The following SVIL variants were observed in gnomAD, a reference collection of about 807,000 sequenced individuals.
SVIL encodes the protein archvillin.
A neutral mutation model predicts 240.4 loss-of-function variants in SVIL; 101 were observed. The ratio of observed to expected loss-of-function variants is 0.42; its 90% confidence interval spans 0.36 to 0.50. The LOEUF (loss-of-function observed/expected upper bound fraction) is 0.50, where lower values mean the gene tolerates loss of function less well. Among genes scored for constraint, SVIL ranks in the 20% least tolerant of loss-of-function variants. The pLI is 0.01. For missense variants in SVIL, 2,512 were observed against 2,818.7 expected (o/e 0.89, Z 2.46); for synonymous variants, 999 against 1,100.0 (o/e 0.91, Z 1.82).
At chr10:29,569,643 G>A (rs1655524375) in intron 1 of SVIL, among the ~76,000 whole-genome samples, 1 of 152,100 alleles carries the variant, frequency 6.6e-6, no homozygotes, top group Admixed American at 6.5e-5. Flanking sequence ...ATAACTCAAA[G>A]CAATTAAATG....
intron 6 of SVIL, among the ~76,000 whole-genome samples, chr10:29,548,117 T>C (rs1257421287): frequency 6.6e-6 from 1 of 152,218 alleles, no homozygotes; most frequent in Non-Finnish European, 1.5e-5. Flanking sequence ...AGCTGATCTC[T>C]CTAAGTATTT....
intron 12 of SVIL, among the ~76,000 whole-genome samples, chr10:29,528,702 A>C (rs775267485): frequency 5.9e-5 from 9 of 152,140 alleles, no homozygotes; most frequent in Non-Finnish European, 8.8e-5. Context: ...GGCGCACTGC[A>C]TTCCAGCCTG....
chr10:29,458,316 C>T lies in SVIL; in HGVS notation c.6576G>A (p.Thr2192=), dbSNP rs550416170. 81 of 1,614,216 alleles carry T rather than the reference C, an allele frequency of 5.0e-5. 3 individuals carry two copies. The South Asian group carries it at 5.7e-4, about 11-fold the overall frequency. The change falls in exon 38 of 38, where the codon ACG becomes ACA. Residue 2192 remains threonine (T), a synonymous_variant. Coordinates refer to ENST00000355867, the MANE Select transcript of SVIL (RefSeq NM_021738.3). The stretch of plus-strand genomic sequence containing the variant: ...CGGGCAGGGCGTTGTATTCATCCCT[C>T]GTCATGTCTAGTGCAAACTGGAAAC... ...DEDFEFALDM[T]RDEYNALPAW...
rs531896074 is a variant in SVIL at position 29,588,512 on chromosome 10, A to G, written c.-200-19200T>C. Among the ~76,000 whole-genome samples, 331 of 152,324 alleles carry G rather than the reference A, an allele frequency of 2.2e-3. 2 individuals carry two copies. In the South Asian group the frequency reaches 0.031, roughly 14 times the overall value. On this transcript the variant is annotated intron_variant, in intron 1 of 37. Transcript: ENST00000355867. ...ATGTCTGAAACAAGACTCATGAAAAATGGTTGCCTATTAAGGGCCATTATG... is the reference window on the plus strand; with the variant it reads ...ATGTCTGAAACAAGACTCATGAAAAGTGGTTGCCTATTAAGGGCCATTATG...
intron 1 of SVIL, among the ~76,000 whole-genome samples, chr10:29,731,978 C>T (rs1035133284): frequency 1.3e-5 from 2 of 152,248 alleles, no homozygotes; most frequent in African/African-American, 2.4e-5. Flanking sequence ...ACAATGGAAG[C>T]GACGGCCCAG....
At chr10:29,541,326 G>T (rs1364377652) in intron 6 of SVIL, among the ~76,000 whole-genome samples, 1 of 152,164 alleles carries the variant, frequency 6.6e-6, no homozygotes, top group Non-Finnish European at 1.5e-5. Context: ...CAATTCTGGT[G>T]GACAGAGGCA....
intron 1 of SVIL, among the ~76,000 whole-genome samples, chr10:29,590,611 T>G (rs548960278): frequency 2.6e-5 from 4 of 152,332 alleles, no homozygotes; most frequent in East Asian, 1.9e-4. Flanking sequence ...GATGAAAGAT[T>G]CAGTCATCTT....
chr10:29,709,312 T>G (rs941099180), intron 1 of SVIL, among the ~76,000 whole-genome samples: 1 of 152,198 alleles, frequency 6.6e-6, no homozygotes, highest in Non-Finnish European at 1.5e-5. Flanking sequence ...TGTCGTGTCA[T>G]GTTGGCACTC....
intron 6 of SVIL, among the ~76,000 whole-genome samples, chr10:29,542,980 T>A (rs1425629340): frequency 2.0e-5 from 3 of 152,152 alleles, no homozygotes; most frequent in African/African-American, 7.2e-5. Flanking sequence ...CAGCTCTGTC[T>A]CTGGGAAACT....
intron 31 of SVIL, 33 bp from the exon 32 acceptor site, chr10:29,470,516 G>T: frequency 6.2e-7 from 1 of 1,611,716 alleles, no homozygotes. Context: ...GGAGGAGTTA[G>T]CACGTGAGCG....
chr10:29,569,611 T>G (rs1037894033), intron 1 of SVIL, among the ~76,000 whole-genome samples: 1 of 152,216 alleles, frequency 6.6e-6, no homozygotes, highest in Non-Finnish European at 1.5e-5. Flanking sequence ...TGTTACCATT[T>G]AAATTTGTTA....
intron 30 of SVIL, among the ~76,000 whole-genome samples, chr10:29,472,705 G>A (rs919233940): frequency 6.6e-6 from 1 of 151,650 alleles, no homozygotes; most frequent in African/African-American, 2.4e-5. Flanking sequence ...ATGGGGTTGT[G>A]AGGCCAGTAG....
intron 2 of SVIL, among the ~76,000 whole-genome samples, chr10:29,665,057 T>C (rs1430310252): frequency 1.3e-5 from 2 of 151,846 alleles, no homozygotes; most frequent in Non-Finnish European, 1.5e-5. Flanking sequence ...TGGAGCAACA[T>C]AGTGAGACCC....
intron 29 of SVIL, among the ~76,000 whole-genome samples, 173 bp from the exon 30 acceptor site, chr10:29,474,162 G>A (rs1167139874): frequency 6.6e-6 from 1 of 152,160 alleles, no homozygotes; most frequent in Non-Finnish European, 1.5e-5. Context: ...CCCAGGAGAA[G>A]AGAAAAACCA....
rs996630419 is a variant in SVIL at position 29,457,576 on chromosome 10, T to C, written c.*671A>G. ...GGCACTATACATTTTTGGGGAGATA[T>C]TAAGGTAGAAAGGTTGATTCGCATA... On this transcript the variant is annotated 3_prime_UTR_variant, in exon 38 of 38. Coordinates refer to ENST00000355867, the MANE Select transcript of SVIL (RefSeq NM_021738.3). 3 of 152,628 alleles carry C rather than the reference T, an allele frequency of 2.0e-5. No homozygotes were observed. Among genetic ancestry groups the C allele is most frequent in the Admixed American group, 2.0e-4 (3 of 15,282 alleles). The allele number at this position is 152,628 out of a possible 1,614,324, so 9.5% of individuals were successfully genotyped here. A position where few individuals can be genotyped will look rare whatever the true frequency, so the allele number is the denominator to read the frequency against.
At chr10:29,562,946 G>C (rs1253520872) in intron 3 of SVIL, among the ~76,000 whole-genome samples, 1 of 152,078 alleles carries the variant, frequency 6.6e-6, no homozygotes, top group Admixed American at 6.6e-5. Flanking sequence ...TGTCTCACCC[G>C]CCACACCCAG....
At chr10:29,481,534 A>T (rs757368621) in intron 28 of SVIL, 50 bp downstream of exon 28, 10 of 1,607,804 alleles carry the variant, frequency 6.2e-6, no homozygotes, top group Non-Finnish European at 8.5e-6. Flanking sequence ...GGCCACTTTT[A>T]TTGGGACCCG....
intron 6 of SVIL, among the ~76,000 whole-genome samples, chr10:29,549,690 C>T (rs1953049933): frequency 7.2e-6 from 1 of 139,240 alleles, no homozygotes; most frequent in Non-Finnish European, 1.6e-5. Flanking sequence ...TACTATGCAG[C>T]CATAAAAAAG....
intron 2 of SVIL, among the ~76,000 whole-genome samples, chr10:29,672,820 T>C (rs1261530655): frequency 6.6e-6 from 1 of 152,006 alleles, no homozygotes; most frequent in African/African-American, 2.4e-5. Context: ...AGAATGTGGC[T>C]TCCTCTGGAA....
Sources: allele counts gnomAD v4.1 joint callset (sites outside exome capture counted in the v4.1 genomes callset), GRCh38; gene constraint gnomAD v4.1.1; transcripts MANE v1.5; gene names NCBI Gene and HGNC (gene_info 2026-07-23, HGNC 2026-07-21).